The following TRIQK variants were observed in gnomAD, a reference collection of about 807,000 sequenced individuals.
TRIQK encodes the protein triple QxxK/R motif-containing protein.
A neutral mutation model predicts 10.8 loss-of-function variants in TRIQK; 10 were observed. The ratio of observed to expected loss-of-function variants is 0.92; its 90% CI spans 0.57 to 1.57. The LOEUF is 1.57. Among genes scored for constraint, TRIQK ranks in the 40% most tolerant of loss-of-function variants. TRIQK has a pLI of 0.00. For synonymous variants in TRIQK, 33 were observed against 33.7 expected, an observed-to-expected ratio of 0.98 and a Z score of 0.07; for missense variants, 107 against 97.7, an observed-to-expected ratio of 1.09 and a Z score of -0.40.
chr8:92,983,343 A>G (rs971043242), intron 1 of TRIQK, among the ~76,000 whole-genome samples: 12 of 152,196 alleles, frequency 7.9e-5, no homozygotes, highest in Non-Finnish European at 5.9e-5. Context: ...CTGCTATAAA[A>G]AAACAACAGT....
At chr8:92,917,328 G>C (rs1809917041) in intron 2 of TRIQK, among the ~76,000 whole-genome samples, 1 of 151,880 alleles carries the variant, frequency 6.6e-6, no homozygotes. Context: ...TAGATAGGTT[G>C]GGGCTTTTGG....
chr8:92,981,130 G>C (rs1812981749), intron 1 of TRIQK, among the ~76,000 whole-genome samples: 1 of 151,478 alleles, frequency 6.6e-6, no homozygotes, highest in Non-Finnish European at 1.5e-5. Context: ...TTCTTTACTT[G>C]ATAGTTTTAT....
chr8:93,010,386 C>A (rs969884621), intron 1 of TRIQK, among the ~76,000 whole-genome samples: 3 of 151,442 alleles, frequency 2.0e-5, no homozygotes, highest in Non-Finnish European at 4.4e-5. Flanking sequence ...AAGTATGTAT[C>A]AATATTATGT....
chr8:92,884,652 TA>T lies in TRIQK; in HGVS notation c.*1969del. The T allele has an allele frequency of 3.0e-6, 1 of 338,740 alleles. No homozygotes were observed. The allele number at this position is 338,740 out of a possible 1,614,324, so 21.0% of individuals were successfully genotyped here. ...GAATTTTCAAACATTTCCAAGACCA[TA>T]ACCAGCCATTTTAAGTACTGTAAAC... On this transcript the variant is annotated 3_prime_UTR_variant, in exon 5 of 5. Transcript: ENST00000521988.
intron 1 of TRIQK, among the ~76,000 whole-genome samples, chr8:92,976,723 C>G: frequency 6.6e-6 from 1 of 151,816 alleles, no homozygotes; most frequent in Non-Finnish European, 1.5e-5. Flanking sequence ...TTTTCTTTTG[C>G]TTTCTATTTT....
chr8:92,952,519 G>A (rs1040982462), intron 2 of TRIQK, among the ~76,000 whole-genome samples: 1 of 151,334 alleles, frequency 6.6e-6, no homozygotes, highest in Non-Finnish European at 1.5e-5. Context: ...AGAAGATGAA[G>A]AAAAAGAGAT....
intron 3 of TRIQK, among the ~76,000 whole-genome samples, chr8:92,904,113 C>T (rs936423573): frequency 1.3e-5 from 2 of 151,692 alleles, no homozygotes; most frequent in Admixed American, 6.6e-5. Flanking sequence ...ACACTAACTC[C>T]TAGAAGGAGT....
chr8:92,897,881 G>T (rs1324684222), intron 3 of TRIQK, among the ~76,000 whole-genome samples: 2 of 151,906 alleles, frequency 1.3e-5, no homozygotes, highest in African/African-American at 4.8e-5. Flanking sequence ...TTATGCCTTA[G>T]CCTTCACTTC....
chr8:92,997,479 G>C (rs958343928), intron 1 of TRIQK, among the ~76,000 whole-genome samples: 56 of 152,124 alleles, frequency 3.7e-4, no homozygotes, highest in Admixed American at 3.1e-3. Context: ...GTCAGGGGTG[G>C]GGTTGTTAAA....
chr8:93,016,992 G>A (rs545376488), intron 1 of TRIQK, among the ~76,000 whole-genome samples: 1 of 151,818 alleles, frequency 6.6e-6, no homozygotes, highest in Non-Finnish European at 1.5e-5. Flanking sequence ...AAAATTCAAC[G>A]GAAAAAACAA....
At chr8:92,933,702 G>T (rs1810846802) in intron 2 of TRIQK, among the ~76,000 whole-genome samples, 1 of 152,094 alleles carries the variant, frequency 6.6e-6, no homozygotes, top group East Asian at 1.9e-4. Context: ...ATGTTTACAT[G>T]GGTATTTATA....
At chr8:92,926,009 G>A (rs1810428599) in intron 2 of TRIQK, among the ~76,000 whole-genome samples, 1 of 152,036 alleles carries the variant, frequency 6.6e-6, no homozygotes, top group Admixed American at 6.5e-5. Context: ...GAACCCGGGA[G>A]GCAGAGCTTG....
chr8:92,913,984 G>T (rs988361889), intron 3 of TRIQK, among the ~76,000 whole-genome samples: 1 of 152,138 alleles, frequency 6.6e-6, no homozygotes, highest in African/African-American at 2.4e-5. Context: ...TGGGGTGTAA[G>T]GGAAAGGATA....
At chr8:92,899,873 T>A (rs1326843272) in intron 3 of TRIQK, among the ~76,000 whole-genome samples, 1 of 152,116 alleles carries the variant, frequency 6.6e-6, no homozygotes, top group East Asian at 1.9e-4. Context: ...CCACCAACAG[T>A]GTATGAGGGT....
chr8:92,890,785 C>T (rs1306109932), intron 4 of TRIQK, among the ~76,000 whole-genome samples: 1 of 151,818 alleles, frequency 6.6e-6, no homozygotes, highest in Non-Finnish European at 1.5e-5. Flanking sequence ...AAGTAAATGA[C>T]ATATTGCCTT....
chr8:92,908,865 A>T (rs1200413140), intron 3 of TRIQK, among the ~76,000 whole-genome samples: 1 of 152,052 alleles, frequency 6.6e-6, no homozygotes, highest in Non-Finnish European at 1.5e-5. Flanking sequence ...GTAATCAACA[A>T]TAAAGACTTT....
At chr8:92,931,984 A>G (rs932034919) in intron 2 of TRIQK, among the ~76,000 whole-genome samples, 1 of 152,218 alleles carries the variant, frequency 6.6e-6, no homozygotes, top group African/African-American at 2.4e-5. Context: ...TCACAATAGT[A>G]GGTTATGCTG....
intron 1 of TRIQK, among the ~76,000 whole-genome samples, chr8:92,991,227 C>G (rs540186839): frequency 7.4e-4 from 113 of 152,336 alleles, no homozygotes; most frequent in African/African-American, 2.6e-3. Context: ...GGCAGGGCAC[C>G]TCTGAATAAA....
chr8:92,954,735 T>C (rs1006840999), intron 1 of TRIQK, among the ~76,000 whole-genome samples, 171 bp from the exon 2 acceptor site: 2 of 151,900 alleles, frequency 1.3e-5, no homozygotes, highest in African/African-American at 4.8e-5. Context: ...AATTGGAAAA[T>C]GTTGCATATT....
Sources: gnomAD v4.1 joint callset for allele counts (sites outside exome capture counted in the v4.1 genomes callset) on GRCh38, gnomAD v4.1.1 for gene constraint, MANE v1.5 for transcripts, NCBI Gene and HGNC (gene_info 2026-07-23, HGNC 2026-07-21) for gene names.